The following UNC13C variants were observed in gnomAD, a reference collection of about 807,000 sequenced individuals.
UNC13C encodes the protein unc-13 homolog C, also known as protein unc-13 homolog C.
Under a neutral mutation model 245.4 loss-of-function variants are expected in UNC13C, and 174 were observed. That is an observed-to-expected ratio of 0.71 (90% CI 0.63 to 0.80). The LOEUF (loss-of-function observed/expected upper bound fraction) is 0.80. UNC13C is among the 30% of genes least tolerant of loss of function. UNC13C has a pLI of 0.00. For synonymous variants in UNC13C, 992 were observed against 895.1 expected (o/e 1.11, Z -1.93); for missense variants, 2,829 against 2,602.9 (o/e 1.09, Z -1.89).
chr15:54,549,263 T>C (rs953065319), intron 27 of UNC13C, among the ~76,000 whole-genome samples: 8 of 152,300 alleles, frequency 5.3e-5, no homozygotes, highest in African/African-American at 1.9e-4. Flanking sequence ...GCCCCGTATC[T>C]TCAGATTTTG....
the UNC13C span, among the ~76,000 whole-genome samples, chr15:53,925,343 CTTTG>C: frequency 2.3e-4 from 35 of 152,212 alleles, no homozygotes; most frequent in Admixed American, 1.0e-3. Context: ...CAACAAGACA[CTTTG>C]TTTGGGACCT....
At chr15:54,166,748 C>T (rs779058497) in intron 4 of UNC13C, among the ~76,000 whole-genome samples, 41 of 152,100 alleles carry the variant, frequency 2.7e-4, no homozygotes, top group Non-Finnish European at 4.7e-4. Flanking sequence ...AATTGTATCA[C>T]AACACATAAC....
intron 19 of UNC13C, among the ~76,000 whole-genome samples, chr15:54,468,579 A>G (rs1892299339): frequency 1.3e-5 from 2 of 151,614 alleles, no homozygotes; most frequent in African/African-American, 2.4e-5. Context: ...TTACAGTTTC[A>G]TGTCTTACTT....
chr15:54,021,127 G>T (rs999221653), intron 2 of UNC13C, among the ~76,000 whole-genome samples: 5 of 151,952 alleles, frequency 3.3e-5, no homozygotes, highest in Admixed American at 2.0e-4. Flanking sequence ...CATATACATT[G>T]TAGAAAGATT....
At chr15:54,581,505 G>A (rs778163596) in intron 30 of UNC13C, among the ~76,000 whole-genome samples, 3 of 152,190 alleles carry the variant, frequency 2.0e-5, no homozygotes, top group Non-Finnish European at 4.4e-5. Flanking sequence ...TCTACTTGCT[G>A]TGTCTTCACA....
chr15:54,238,722 T>C (rs927421507), intron 7 of UNC13C, among the ~76,000 whole-genome samples: 4 of 152,260 alleles, frequency 2.6e-5, no homozygotes, highest in African/African-American at 9.6e-5. Flanking sequence ...GTTGTTCTTG[T>C]TGAATGATTC....
At chr15:54,595,764 A>G (rs183200566) in intron 30 of UNC13C, among the ~76,000 whole-genome samples, 1 of 152,344 alleles carries the variant, frequency 6.6e-6, no homozygotes, top group Admixed American at 6.5e-5. Flanking sequence ...TCCAGAAATA[A>G]TTCAGAATTC....
intron 17 of UNC13C, among the ~76,000 whole-genome samples, chr15:54,366,344 T>G (rs1596289546): frequency 2.0e-5 from 3 of 152,278 alleles, no homozygotes; most frequent in African/African-American, 7.2e-5. Context: ...TCCTTATGGT[T>G]TTACAGATAT....
intron 2 of UNC13C, among the ~76,000 whole-genome samples, chr15:54,091,771 T>A (rs548472773): frequency 6.6e-6 from 1 of 152,148 alleles, no homozygotes; most frequent in South Asian, 2.1e-4. Flanking sequence ...ATACTTTTTT[T>A]TAAGAGAAAT....
At chr15:54,310,577 T>C (rs1257169481) in intron 13 of UNC13C, among the ~76,000 whole-genome samples, 1 of 151,804 alleles carries the variant, frequency 6.6e-6, no homozygotes, top group Non-Finnish European at 1.5e-5. Context: ...TTAGATCTTC[T>C]AAAAATCCTT....
intron 19 of UNC13C, among the ~76,000 whole-genome samples, chr15:54,445,920 T>C (rs1596386918): frequency 6.6e-6 from 1 of 152,188 alleles, no homozygotes; most frequent in South Asian, 2.1e-4. Flanking sequence ...GATTTTATGG[T>C]TTTAGGTCTA....
At chr15:54,476,948 T>C (rs202165549) in intron 19 of UNC13C, among the ~76,000 whole-genome samples, 51,234 of 136,194 alleles carry the variant, frequency 0.38, 9,762 homozygotes, top group East Asian at 0.59. Context: ...GAGCATGGAA[T>C]GTTCTTCCAT....
chr15:54,207,829 G>A lies in UNC13C; in HGVS notation c.3072-27201G>A, dbSNP rs147834201. 1.4e-3 allele frequency among the ~76,000 whole-genome samples: 208 copies of A among 152,188 alleles called. 4 individuals carry two copies. In the East Asian group the frequency reaches 0.03, roughly 22 times the overall value. ...GGGTTCAAATGTAAGCTTTATATGT[G>A]TCAGTTGTGTGATTTTGGAACAAAA... On this transcript the variant is annotated intron_variant, in intron 4 of 32. Transcript: ENST00000260323.
At chr15:54,466,590 G>A (rs369730241) in intron 19 of UNC13C, among the ~76,000 whole-genome samples, 5 of 151,812 alleles carry the variant, frequency 3.3e-5, no homozygotes, top group East Asian at 3.9e-4. Flanking sequence ...AGACACTATC[G>A]TGTCAGGATG....
intron 2 of UNC13C, among the ~76,000 whole-genome samples, chr15:54,086,909 T>A (rs1899277089): frequency 6.6e-6 from 1 of 151,956 alleles, no homozygotes; most frequent in African/African-American, 2.4e-5. Flanking sequence ...TAATTTTTTG[T>A]ATTTTTAGTA....
intron 2 of UNC13C, chr15:54,049,371 C>A: frequency 3.9e-6 from 2 of 513,518 alleles, no homozygotes; most frequent in Non-Finnish European, 3.9e-6. Flanking sequence ...TTTCTGCCTG[C>A]AGGATAAAAC....
At position 54,525,796 on chromosome 15, in the gene UNC13C, A is replaced by G. The variant is rs1051684509; in HGVS notation, c.5546+159A>G. ...CTGAAACATCTGTTATGACCCCACAATCTAATAGTGCTATCTTGCTATGCA... is the reference window on the plus strand; with the variant it reads ...CTGAAACATCTGTTATGACCCCACAGTCTAATAGTGCTATCTTGCTATGCA... On this transcript the variant is annotated intron_variant, in intron 25 of 32. Transcript: ENST00000260323. Among the ~76,000 whole-genome samples the G allele has an allele frequency of 4.6e-5, 7 of 152,264 alleles. No individual in the cohort carries two copies. In the East Asian group the frequency reaches 1.2e-3, roughly 25 times the overall value.
chr15:54,633,260 T>C (rs975028464), downstream of UNC13C: 1 of 152,236 alleles, frequency 6.6e-6, no homozygotes, highest in African/African-American at 2.4e-5. Flanking sequence ...CAATATTGAA[T>C]CTTCAATTCG....
At position 54,250,203 on chromosome 15, in the gene UNC13C, G is replaced by A. The variant is rs374821165; in HGVS notation, c.3229-22G>A. Reference sequence around the variant, plus strand: ...AATCCACTGACTTGGCGGTGCATTGGTAACTTCTCTCATGTTCACAGAAAA... The same window carrying A: ...AATCCACTGACTTGGCGGTGCATTGATAACTTCTCTCATGTTCACAGAAAA... On this transcript the variant is annotated intron_variant, in intron 7 of 32. Transcript: ENST00000260323. 327 of 1,608,600 alleles carry A rather than the reference G, an allele frequency of 2.0e-4. 1 individual carries two copies. Among genetic ancestry groups the A allele is most frequent in the Admixed American group, 2.3e-4 (14 of 59,994 alleles).
Sources: allele counts gnomAD v4.1 joint callset (sites outside exome capture counted in the v4.1 genomes callset), GRCh38; gene constraint gnomAD v4.1.1; transcripts MANE v1.5; gene names NCBI Gene and HGNC (gene_info 2026-07-23, HGNC 2026-07-21).